TRABD2B: variants seen among roughly 807,000 people sequenced by gnomAD.
TRABD2B encodes the protein TraB domain containing 2B, also known as metalloprotease TIKI2.
A neutral mutation model predicts 40.1 loss-of-function variants in TRABD2B; 14 were observed. That is an observed-to-expected ratio of 0.35 (90% confidence interval 0.23 to 0.55). TRABD2B has a LOEUF of 0.55. TRABD2B is among the 20% of genes least tolerant of loss of function. The probability of loss-of-function intolerance (pLI) is 0.90; values close to 1 mark genes in which losing one functional copy is unlikely to be tolerated. For synonymous variants in TRABD2B, 263 were observed against 277.0 expected (o/e 0.95, Z 0.50); for missense variants, 541 against 648.6 (o/e 0.83, Z 1.80).
chr1:47,785,957 G>T (rs1644590031), intron 4 of TRABD2B, among the ~76,000 whole-genome samples: 1 of 152,216 alleles, frequency 6.6e-6, no homozygotes, highest in Admixed American at 6.5e-5. Context: ...AGGCCACCAA[G>T]CACTTCTGCC....
At chr1:47,855,548 A>G (rs1003178651) in intron 2 of TRABD2B, among the ~76,000 whole-genome samples, 2 of 152,248 alleles carry the variant, frequency 1.3e-5, no homozygotes, top group African/African-American at 4.8e-5. Flanking sequence ...CCATGTTGAC[A>G]CGCATAGGTC....
At chr1:47,817,730 C>G (rs1645053303) in intron 2 of TRABD2B, among the ~76,000 whole-genome samples, 1 of 152,142 alleles carries the variant, frequency 6.6e-6, no homozygotes, top group South Asian at 2.1e-4. Flanking sequence ...TTCACGGGCT[C>G]CTCGCAGGAC....
At chr1:47,858,739 T>C (rs1643924162) in intron 2 of TRABD2B, among the ~76,000 whole-genome samples, 1 of 152,202 alleles carries the variant, frequency 6.6e-6, no homozygotes, top group African/African-American at 2.4e-5. Flanking sequence ...TCATCCTGAA[T>C]GGTGGTAGGC....
intron 2 of TRABD2B, among the ~76,000 whole-genome samples, chr1:47,969,200 G>C (rs1369903705): frequency 1.3e-5 from 2 of 152,200 alleles, no homozygotes; most frequent in Non-Finnish European, 2.9e-5. Flanking sequence ...TGCTTGTTTG[G>C]TTTTCTTTTG....
chr1:47,806,037 A>C (rs1162883621), intron 2 of TRABD2B, among the ~76,000 whole-genome samples: 1 of 152,210 alleles, frequency 6.6e-6, no homozygotes, highest in Non-Finnish European at 1.5e-5. Context: ...AGTGATGGGC[A>C]CAAGGCCACA....
At chr1:47,879,198 G>C (rs986616458) in intron 2 of TRABD2B, among the ~76,000 whole-genome samples, 1 of 151,934 alleles carries the variant, frequency 6.6e-6, no homozygotes, top group African/African-American at 2.4e-5. Context: ...ATATGGCCTA[G>C]TCTCAATTTT....
intron 2 of TRABD2B, among the ~76,000 whole-genome samples, chr1:47,966,177 G>C (rs1011573228): frequency 6.6e-6 from 1 of 152,140 alleles, no homozygotes; most frequent in East Asian, 1.9e-4. Flanking sequence ...TATGACGTCT[G>C]GAAGTGCCAG....
chr1:47,870,385 A>G (rs1010481854), intron 2 of TRABD2B, among the ~76,000 whole-genome samples: 3 of 152,188 alleles, frequency 2.0e-5, no homozygotes, highest in Non-Finnish European at 2.9e-5. Context: ...GTTTACACCT[A>G]TGAAGCACTT....
intron 2 of TRABD2B, among the ~76,000 whole-genome samples, chr1:47,979,616 G>A (rs77333439): frequency 0.12 from 17,582 of 152,128 alleles, 1,640 homozygotes; most frequent in African/African-American, 0.26. Flanking sequence ...GGGCTGGGGC[G>A]AACATCAGGA....
At chr1:47,902,468 C>T (rs1238664669) in intron 2 of TRABD2B, among the ~76,000 whole-genome samples, 1 of 152,100 alleles carries the variant, frequency 6.6e-6, no homozygotes, top group Admixed American at 6.5e-5. Flanking sequence ...ACTCTAAGGC[C>T]AGCACTGGGC....
chr1:47,930,268 A>G (rs1328971766), intron 2 of TRABD2B, among the ~76,000 whole-genome samples: 1 of 152,222 alleles, frequency 6.6e-6, no homozygotes, highest in Non-Finnish European at 1.5e-5. Flanking sequence ...TATGAGGGAA[A>G]TCTTGGCTTT....
At chr1:47,769,409 T>C (rs1238385295) in intron 6 of TRABD2B, among the ~76,000 whole-genome samples, 2 of 152,226 alleles carry the variant, frequency 1.3e-5, no homozygotes, top group Non-Finnish European at 2.9e-5. Context: ...AAAGGCATTT[T>C]CTTTCACACT....
At chr1:47,786,583 G>A (rs1644598673) in intron 4 of TRABD2B, among the ~76,000 whole-genome samples, 1 of 152,254 alleles carries the variant, frequency 6.6e-6, no homozygotes, top group Non-Finnish European at 1.5e-5. Context: ...AGGACCCTTT[G>A]AAGCACCGTT....
chr1:47,818,808 C>G (rs1369231761), intron 2 of TRABD2B: 1 of 152,204 alleles, frequency 6.6e-6, no homozygotes, highest in Non-Finnish European at 1.5e-5. Flanking sequence ...GGTAGGCAGA[C>G]AGTTTGGTAT....
At chr1:47,981,894 C>T (rs1201585608) in intron 2 of TRABD2B, among the ~76,000 whole-genome samples, 1 of 152,184 alleles carries the variant, frequency 6.6e-6, no homozygotes, top group Non-Finnish European at 1.5e-5. Context: ...AACATCCAAC[C>T]TGTCTGAGCA....
intron 2 of TRABD2B, among the ~76,000 whole-genome samples, chr1:47,836,744 A>G (rs1486378321): frequency 1.3e-5 from 2 of 152,246 alleles, no homozygotes; most frequent in Non-Finnish European, 2.9e-5. Context: ...CGGAGCCCTC[A>G]TGAATGAGAT....
chr1:47,970,449 G>C (rs777809939), intron 2 of TRABD2B, among the ~76,000 whole-genome samples: 1 of 152,110 alleles, frequency 6.6e-6, no homozygotes, highest in Non-Finnish European at 1.5e-5. Context: ...TGACATTTAA[G>C]ACCTTCTAAG....
At chr1:47,874,252 A>ATTTTTTTTTTTTTTTT (rs61411862) in intron 2 of TRABD2B, among the ~76,000 whole-genome samples, 3 of 90,520 alleles carry the variant, frequency 3.3e-5, no homozygotes, top group African/African-American at 4.5e-5. Flanking sequence ...TGATTAATTA[A>ATTTTTTTTTTTTTTTT]TTTTTTTTTT....
intron 2 of TRABD2B, among the ~76,000 whole-genome samples, chr1:47,936,510 G>T (rs1645108713): frequency 6.6e-6 from 1 of 152,226 alleles, no homozygotes. Context: ...TGAGTCTTGA[G>T]GAAGGGATAG....
Sources: gnomAD v4.1 joint callset for allele counts (sites outside exome capture counted in the v4.1 genomes callset) on GRCh38, gnomAD v4.1.1 for gene constraint, MANE v1.5 for transcripts, NCBI Gene and HGNC (gene_info 2026-07-23, HGNC 2026-07-21) for gene names.